The following TMEM38B variants were observed in gnomAD, a reference collection of about 807,000 sequenced individuals.
TMEM38B encodes the protein trimeric intracellular cation channel type B.
A neutral mutation model predicts 28.7 loss-of-function variants in TMEM38B; 24 were observed. The observed-to-expected ratio is 0.84, with a 90% CI of 0.61 to 1.18. The LOEUF is 1.18. Ranked by LOEUF, TMEM38B falls within the 50% of genes most tolerant of loss-of-function variation. The pLI is 0.00. For missense variants in TMEM38B, 380 were observed against 350.9 expected (o/e 1.08, Z -0.66); for synonymous variants, 131 against 127.7 (o/e 1.03, Z -0.17).
intron 1 of TMEM38B, among the ~76,000 whole-genome samples, chr9:105,695,894 A>G (rs976586209): frequency 1.3e-5 from 2 of 152,246 alleles, no homozygotes; most frequent in African/African-American, 2.4e-5. Flanking sequence ...CATTATCTGC[A>G]TAAGATATTA....
chr9:105,760,375 A>G (rs1238627043), intron 5 of TMEM38B: 1 of 761,888 alleles, frequency 1.3e-6, no homozygotes, highest in South Asian at 1.4e-5. Flanking sequence ...TCAAGTACCA[A>G]CTTATTTACA....
chr9:105,771,810 T>A (rs1826554047), intron 5 of TMEM38B, among the ~76,000 whole-genome samples: 1 of 152,184 alleles, frequency 6.6e-6, no homozygotes, highest in Non-Finnish European at 1.5e-5. Context: ...ATAAATGACT[T>A]CCAGATCTAT....
At chr9:105,723,406 GT>G (rs1237050104) in intron 4 of TMEM38B, among the ~76,000 whole-genome samples, 2 of 136,626 alleles carry the variant, frequency 1.5e-5, no homozygotes, top group African/African-American at 6.3e-5. Flanking sequence ...TTTTGTAATT[GT>G]ATTTTTTTTT....
At chr9:105,703,605 T>C (rs1459894843) in intron 1 of TMEM38B, among the ~76,000 whole-genome samples, 1 of 152,152 alleles carries the variant, frequency 6.6e-6, no homozygotes, top group African/African-American at 2.4e-5. Flanking sequence ...CAGTTCTAGA[T>C]CCCTGAGTAA....
intron 4 of TMEM38B, among the ~76,000 whole-genome samples, chr9:105,741,688 C>A (rs780710805): frequency 6.6e-6 from 1 of 152,110 alleles, no homozygotes; most frequent in Non-Finnish European, 1.5e-5. Context: ...GCAAAGTGTT[C>A]CAGGTACAGC....
chr9:105,742,967 G>C (rs547729962), intron 4 of TMEM38B, among the ~76,000 whole-genome samples: 1 of 152,140 alleles, frequency 6.6e-6, no homozygotes, highest in East Asian at 1.9e-4. Flanking sequence ...CAATCAAAAA[G>C]GTTTAGAGAC....
At chr9:105,705,226 T>C (rs1309612395) in intron 1 of TMEM38B, among the ~76,000 whole-genome samples, 1 of 152,232 alleles carries the variant, frequency 6.6e-6, no homozygotes, top group Non-Finnish European at 1.5e-5. Context: ...AGATTGTAAA[T>C]TTTTCTTAAT....
intron 1 of TMEM38B, among the ~76,000 whole-genome samples, chr9:105,695,174 G>C (rs769356009): frequency 1.3e-5 from 2 of 152,088 alleles, no homozygotes; most frequent in African/African-American, 2.4e-5. Context: ...TCGCAGTGTC[G>C]CCACTCGCTC....
At position 105,770,129 on chromosome 9, in the gene TMEM38B, A is replaced by G. The variant is rs116586559; in HGVS notation, c.661-3736A>G. On this transcript the variant is annotated intron_variant, in intron 5 of 5. Transcript: ENST00000374692. ...TTCATTGATGTATTGAATAAGATGT[A>G]TTATTGAACACATGAATGAGGGACA... Among the ~76,000 whole-genome samples, 1,373 of 152,284 alleles carry G rather than the reference A, an allele frequency of 9.0e-3. 33 individuals carry two copies. Among genetic ancestry groups the G allele is most frequent in the African/African-American group, 0.031 (1,277 of 41,556 alleles).
chr9:105,712,203 C>T (rs1006095120), intron 2 of TMEM38B, among the ~76,000 whole-genome samples: 2 of 152,366 alleles, frequency 1.3e-5, no homozygotes, highest in East Asian at 1.9e-4. Flanking sequence ...GCTTGAGCCA[C>T]TGTGCCCGAC....
intron 4 of TMEM38B, among the ~76,000 whole-genome samples, chr9:105,746,195 G>T (rs1287254824): frequency 2.0e-5 from 3 of 151,690 alleles, no homozygotes; most frequent in Admixed American, 6.6e-5. Flanking sequence ...TCACGATATT[G>T]ATTCTTCCTA....
chr9:105,716,988 GT>G (rs1471275662), intron 2 of TMEM38B, among the ~76,000 whole-genome samples: 1 of 152,156 alleles, frequency 6.6e-6, no homozygotes, highest in Non-Finnish European at 1.5e-5. Flanking sequence ...GAAGTTATAT[GT>G]GGTGTTTTGA....
chr9:105,758,573 T>C, intron 5 of TMEM38B: 1 of 1,140,040 alleles, frequency 8.8e-7, no homozygotes, highest in Admixed American at 1.7e-5. Flanking sequence ...TTAAGAATCA[T>C]GTAATTGAAG....
At chr9:105,707,603 T>C (rs1835722911) in intron 2 of TMEM38B, among the ~76,000 whole-genome samples, 1 of 152,152 alleles carries the variant, frequency 6.6e-6, no homozygotes, top group Non-Finnish European at 1.5e-5. Flanking sequence ...CCTATGGCAA[T>C]GTTGAGTTGT....
intron 4 of TMEM38B, among the ~76,000 whole-genome samples, chr9:105,738,715 CTTTTTTTTTT>C (rs71489351): frequency 9.1e-6 from 1 of 109,690 alleles, no homozygotes; most frequent in Non-Finnish European, 1.7e-5. Context: ...TAATTTTTTC[CTTTTTTTTTT>C]TTTTTTTTTT....
At chr9:105,726,573 C>T (rs1377368458) in intron 4 of TMEM38B, among the ~76,000 whole-genome samples, 3 of 152,052 alleles carry the variant, frequency 2.0e-5, no homozygotes, top group African/African-American at 7.2e-5. Context: ...ACAGTGCCTT[C>T]TTCTGGAATA....
chr9:105,753,696 C>T (rs1837736393), intron 5 of TMEM38B, among the ~76,000 whole-genome samples: 1 of 152,146 alleles, frequency 6.6e-6, no homozygotes, highest in Non-Finnish European at 1.5e-5. Context: ...AAACCATTAC[C>T]AGCCATTACA....
rs530241849 is a variant in TMEM38B, at chr9:105,736,539, C to T, written c.543-11534C>T. Among the ~76,000 whole-genome samples the T allele has an allele frequency of 1.1e-3, 172 of 152,250 alleles. 1 individual carries two copies. Among genetic ancestry groups the T allele is most frequent in the African/African-American group, 3.8e-3 (158 of 41,564 alleles). Reference sequence around the variant, plus strand: ...TTGTTGAATTATCTATCTGTATTCTCTTGTGTCTCACTGAGTTTCCTTAAG... The same window carrying T: ...TTGTTGAATTATCTATCTGTATTCTTTTGTGTCTCACTGAGTTTCCTTAAG... On this transcript the variant is annotated intron_variant, in intron 4 of 5. Transcript: ENST00000374692.
Position 105,715,979 on chromosome 9 carries a change from T to C in TMEM38B, c.270-5558T>C, listed in dbSNP as rs190074054. Among the ~76,000 whole-genome samples the C allele has an allele frequency of 8.6e-4, 131 of 152,364 alleles. 1 individual carries two copies. The highest frequency in any genetic ancestry group is 8.5e-3 in the Admixed American group (130 of 15,300). ...TGGTCATTTTTATATGAAATTGGCT[T>C]TCATAAACTTGCAGAATGTGGTGGA... On this transcript the variant is annotated intron_variant, in intron 2 of 5. Transcript: ENST00000374692.
Sources: gnomAD v4.1 joint callset for allele counts (sites outside exome capture counted in the v4.1 genomes callset) on GRCh38, gnomAD v4.1.1 for gene constraint, MANE v1.5 for transcripts, NCBI Gene and HGNC (gene_info 2026-07-23, HGNC 2026-07-21) for gene names.